ZNF721: variants seen among roughly 807,000 people sequenced by gnomAD.
ZNF721 encodes zinc finger protein 721.
A neutral mutation model predicts 2.4 loss-of-function variants in ZNF721; 2 were observed. The observed-to-expected ratio is 0.82, with a 90% CI of 0.34 to 2.58. The LOEUF is 2.58. Ranked by LOEUF, ZNF721 falls within the 30% of genes most tolerant of loss-of-function variation. The pLI, the probability that ZNF721 is intolerant of heterozygous loss-of-function variation, is 0.11. For synonymous variants in ZNF721, 398 were observed against 381.8 expected (o/e 1.04, Z -0.50); for missense variants, 1,187 against 1,085.5 (o/e 1.09, Z -1.31).
At chr4:450,994 T>A (rs1714643894) in intron 2 of ZNF721, among the ~76,000 whole-genome samples, 1 of 88,814 alleles carries the variant, frequency 1.1e-5, no homozygotes, top group Non-Finnish European at 2.3e-5. Flanking sequence ...TATATATATA[T>A]ATCCCAAAAA....
intron 2 of ZNF721, among the ~76,000 whole-genome samples, chr4:456,578 C>A (rs891635491): frequency 2.0e-5 from 3 of 152,074 alleles, no homozygotes; most frequent in Non-Finnish European, 1.5e-5. Context: ...AATTACCATA[C>A]AAATATGAAA....
chr4:449,924 G>C (rs1423063991), intron 2 of ZNF721, among the ~76,000 whole-genome samples: 6 of 152,030 alleles, frequency 3.9e-5, no homozygotes, highest in Non-Finnish European at 7.4e-5. Context: ...AATAGAAAAG[G>C]AAACACATAC....
chr4:479,743 T>C (rs1344195063), intron 1 of ZNF721, among the ~76,000 whole-genome samples: 2 of 152,212 alleles, frequency 1.3e-5, no homozygotes, highest in Non-Finnish European at 2.9e-5. Flanking sequence ...CAATGCTCCA[T>C]GTGGCCTTGT....
intron 2 of ZNF721, among the ~76,000 whole-genome samples, chr4:469,077 C>G (rs1276222069): frequency 1.3e-5 from 2 of 152,106 alleles, no homozygotes; most frequent in African/African-American, 4.8e-5. Flanking sequence ...GGATACATAA[C>G]CAACATGTAA....
At chr4:463,523 T>C (rs782526373) in intron 2 of ZNF721, among the ~76,000 whole-genome samples, 11 of 152,188 alleles carry the variant, frequency 7.2e-5, no homozygotes, top group Admixed American at 4.6e-4. Context: ...CCATCAATGG[T>C]AGACTGGATA....
At chr4:463,022 T>C (rs1349466221) in intron 2 of ZNF721, among the ~76,000 whole-genome samples, 1 of 152,076 alleles carries the variant, frequency 6.6e-6, no homozygotes, top group African/African-American at 2.4e-5. Flanking sequence ...AAAGGAATAA[T>C]ATCCAGAAAC....
At chr4:484,089 G>A (rs1302664068) in intron 1 of ZNF721, among the ~76,000 whole-genome samples, 6 of 152,242 alleles carry the variant, frequency 3.9e-5, no homozygotes, top group African/African-American at 1.2e-4. Flanking sequence ...AACATGGATT[G>A]TGAAGATTTT....
intron 1 of ZNF721, among the ~76,000 whole-genome samples, chr4:479,918 T>G (rs183215072): frequency 6.7e-4 from 102 of 152,362 alleles, no homozygotes; most frequent in African/African-American, 2.3e-3. Context: ...TAGGTCTAGG[T>G]TGTATACAGG....
At chr4:445,378 A>G (rs574383711) in intron 2 of ZNF721, among the ~76,000 whole-genome samples, 1 of 152,320 alleles carries the variant, frequency 6.6e-6, no homozygotes, top group South Asian at 2.1e-4. Context: ...AACATGTATG[A>G]CAGGTTCCCA....
intron 1 of ZNF721, among the ~76,000 whole-genome samples, chr4:479,232 C>T (rs915255787): frequency 3.9e-5 from 6 of 151,992 alleles, no homozygotes; most frequent in Admixed American, 3.9e-4. Context: ...TTAGATCTCC[C>T]CCTGGCAACC....
At chr4:473,615 T>G (rs1256772300) in intron 1 of ZNF721, among the ~76,000 whole-genome samples, 1 of 152,124 alleles carries the variant, frequency 6.6e-6, no homozygotes, top group East Asian at 1.9e-4. Flanking sequence ...ATGAACTCTA[T>G]GTTTTGATGG....
At chr4:448,293 AG>A (rs1714541703) in intron 2 of ZNF721, among the ~76,000 whole-genome samples, 1 of 152,010 alleles carries the variant, frequency 6.6e-6, no homozygotes, top group South Asian at 2.1e-4. Flanking sequence ...AAAATTAGCC[AG>A]GCATGGTGGT....
In ZNF721 at chr4:473,417, A is replaced by G. The variant is rs115605709; in HGVS notation, c.-93-716T>C. ...GACCACCAATCATCATCCTGATGCC[A>G]CTCGGGAGCAGCCACGCGGAGGAGG... On this transcript the variant is annotated intron_variant, in intron 1 of 2. Coordinates refer to ENST00000511833, the MANE Select transcript of ZNF721 (RefSeq NM_133474.4). 4.0e-3 allele frequency among the ~76,000 whole-genome samples: 611 copies of G among 152,168 alleles called. 3 individuals carry two copies. Among genetic ancestry groups the G allele is most frequent in the African/African-American group, 0.014 (595 of 41,514 alleles).
intron 1 of ZNF721, among the ~76,000 whole-genome samples, chr4:482,219 A>G (rs1553869645): frequency 6.6e-6 from 1 of 152,166 alleles, no homozygotes; most frequent in African/African-American, 2.4e-5. Flanking sequence ...GCTGGAGTGC[A>G]ATGGCGCCAT....
At chr4:467,171 T>G (rs1715278700) in intron 2 of ZNF721, among the ~76,000 whole-genome samples, 1 of 151,708 alleles carries the variant, frequency 6.6e-6, no homozygotes, top group African/African-American at 2.4e-5. Context: ...GAGCCGAGAT[T>G]GCGCCACTGC....
At chr4:449,490 G>A (rs1714580704) in intron 2 of ZNF721, among the ~76,000 whole-genome samples, 1 of 152,082 alleles carries the variant, frequency 6.6e-6, no homozygotes, top group Admixed American at 6.5e-5. Context: ...GCTATTTGAA[G>A]TAAACATACA....
intron 2 of ZNF721, among the ~76,000 whole-genome samples, chr4:461,972 C>G (rs563345239): frequency 3.4e-4 from 52 of 152,324 alleles, no homozygotes; most frequent in African/African-American, 1.1e-3. Flanking sequence ...CAAATTGTCT[C>G]TGTTTGCAGA....
chr4:499,138 C>A lies in ZNF721; in HGVS notation c.-176G>T. ...GAACACCGCCCGCTGTTCGTATGTC[C>A]GAGGTGACGCCCCGCTGTGGCGGGC... On this transcript the variant is annotated 5_prime_UTR_variant, in exon 1 of 3. Coordinates refer to ENST00000511833, the MANE Select transcript of ZNF721 (RefSeq NM_133474.4). 5.0e-6 allele frequency: 3 copies of A among 601,000 alleles called. No homozygotes were observed. The highest frequency in any genetic ancestry group is 8.5e-6 in the Non-Finnish European group (3 of 354,534). The allele number at this position is 601,000 out of a possible 1,614,324, so 37.2% of individuals were successfully genotyped here.
chr4:467,520 G>T (rs1553866921), intron 2 of ZNF721, among the ~76,000 whole-genome samples: 2 of 152,204 alleles, frequency 1.3e-5, no homozygotes, highest in Admixed American at 6.5e-5. Flanking sequence ...CCAAGGAAGG[G>T]TTATTTGGAA....
Sources: allele counts gnomAD v4.1 joint callset (sites outside exome capture counted in the v4.1 genomes callset), GRCh38; gene constraint gnomAD v4.1.1; transcripts MANE v1.5; gene names NCBI Gene and HGNC (gene_info 2026-07-23, HGNC 2026-07-21).